The following ZNF554 variants were observed in gnomAD, a reference collection of about 807,000 sequenced individuals.
ZNF554 encodes the protein zinc finger protein 554.
ZNF554 carries 15 observed loss-of-function variants against 21.2 expected under a neutral mutation model. The observed-to-expected ratio is 0.71, with a 90% confidence interval of 0.47 to 1.09. ZNF554 has a LOEUF of 1.09. Ranked by LOEUF, ZNF554 falls within the 50% of genes least tolerant of loss-of-function variation. The probability of loss-of-function intolerance (pLI) is 0.00; values close to 1 mark genes in which losing one functional copy is unlikely to be tolerated. For synonymous variants in ZNF554, 258 were observed against 251.4 expected (o/e 1.03, Z -0.25); for missense variants, 691 against 662.7 (o/e 1.04, Z -0.47).
At chr19:2,824,009 G>C (rs546762200) in intron 2 of ZNF554, among the ~76,000 whole-genome samples, 146 of 152,242 alleles carry the variant, frequency 9.6e-4, no homozygotes, top group African/African-American at 3.2e-3. Flanking sequence ...TCTGCCTCCT[G>C]CTGCCATTCA....
Position 2,835,362 on chromosome 19 carries a change from C to T in ZNF554, c.*510C>T, listed in dbSNP as rs1373248915. ...TGGTGGGCGCCTGTAGTCCCAACTA[C>T]TCAGGAGGCTGAGGCAGGAGAATGG... On this transcript the variant is annotated 3_prime_UTR_variant, in exon 5 of 5. Transcript: ENST00000317243. The T allele has an allele frequency of 6.5e-6, 1 of 154,122 alleles. No homozygotes were observed. Among genetic ancestry groups the T allele is most frequent in the Non-Finnish European group, 1.4e-5 (1 of 69,436 alleles). 9.5% of individuals were successfully genotyped at this position (154,122 alleles called of 1,614,324 possible).
intron 3 of ZNF554, among the ~76,000 whole-genome samples, chr19:2,829,759 A>G (rs908782059): frequency 1.2e-4 from 18 of 152,132 alleles, no homozygotes; most frequent in African/African-American, 4.1e-4. Flanking sequence ...AGTGGCACTA[A>G]ATGCATTCAG....
rs372864879 is a variant in ZNF554, at chr19:2,834,376, G to A, written c.1141G>A (p.Gly381Arg). 1.8e-5 allele frequency: 29 copies of A among 1,613,766 alleles called. No homozygotes were observed. The African/African-American group carries it at 2.1e-4, about 12-fold the overall frequency. The change falls in exon 5 of 5, where the codon GGG (glycine) becomes AGG (arginine). Residue 381 changes from glycine to arginine, a missense_variant. Gly to Arg is a moderately radical substitution (Grantham distance 125, BLOSUM62 -2). Transcript: ENST00000317243. The part of the protein sequence containing the change: ...LRTHTGEKPY[G>R]CGECGKAFNR... ...AACTCATACTGGAGAGAAGCCCTAC[G>A]GGTGCGGTGAGTGCGGGAAAGCCTT...
intron 3 of ZNF554, among the ~76,000 whole-genome samples, chr19:2,829,805 A>C (rs761437249): frequency 1.3e-5 from 2 of 152,066 alleles, no homozygotes; most frequent in Non-Finnish European, 2.9e-5. Flanking sequence ...CCATTTCCAG[A>C]ACTTTTATCC....
intron 3 of ZNF554, among the ~76,000 whole-genome samples, chr19:2,829,678 C>T (rs1260685141): frequency 6.6e-6 from 1 of 152,114 alleles, no homozygotes; most frequent in Non-Finnish European, 1.5e-5. Flanking sequence ...TATATGCACA[C>T]ACGTATCTAT....
In ZNF554 at chr19:2,823,858, G is replaced by A. The variant is rs146341240; in HGVS notation, c.126+746G>A. 7.2e-5 allele frequency among the ~76,000 whole-genome samples: 11 copies of A among 152,228 alleles called. No homozygotes were observed. In the East Asian group the frequency reaches 1.4e-3, roughly 19 times the overall value. ...AGTGTGTGCCGACTGGTTCATGGGC[G>A]GCCATGGGAGGGTCGAAAGAGGCAC... On this transcript the variant is annotated intron_variant, in intron 2 of 4. Transcript: ENST00000317243.
rs369870603 is a variant in ZNF554, at chr19:2,834,583, T to C, written c.1348T>C (p.Ser450Pro). Reference protein sequence around the residue: ...ECGKAFSDRSSLNQHERTHTG... With the variant: ...ECGKAFSDRSPLNQHERTHTG... ...TGGAAAGGCCTTCAGTGACCGTTCC[T>C]CTCTCAACCAGCACGAGCGAACTCA... The change falls in exon 5 of 5, where the codon TCT becomes CCT. Residue 450 changes from serine (S) to proline (P), a missense_variant. Physicochemically the swap from Ser to Pro is moderately conservative, Grantham distance 74. Coordinates refer to ENST00000317243, the MANE Select transcript of ZNF554 (RefSeq NM_001102651.2). 2 of 1,613,950 alleles carry C rather than the reference T, an allele frequency of 1.2e-6. No individual in the cohort carries two copies. Among genetic ancestry groups the C allele is most frequent in the African/African-American group, 2.7e-5 (2 of 74,902 alleles).
At chr19:2,820,683 C>CTTTTTTTTTT (rs1568330714) in intron 1 of ZNF554, among the ~76,000 whole-genome samples, 4 of 81,870 alleles carry the variant, frequency 4.9e-5, no homozygotes, top group Admixed American at 2.3e-4. Context: ...CAGCAAGGGT[C>CTTTTTTTTTT]CTTTTTTTTT....
chr19:2,820,683 C>CTTTTTTTTTTTTTT (rs1568330714), intron 1 of ZNF554, among the ~76,000 whole-genome samples: 3 of 81,834 alleles, frequency 3.7e-5, no homozygotes, highest in African/African-American at 1.8e-4. Context: ...CAGCAAGGGT[C>CTTTTTTTTTTTTTT]CTTTTTTTTT....
chr19:2,827,558 C>T, intron 2 of ZNF554, 59 bp from the exon 3 acceptor site: 4 of 1,570,382 alleles, frequency 2.5e-6, no homozygotes, highest in Non-Finnish European at 3.5e-6. Flanking sequence ...CTCACCCCTC[C>T]TCCCATGAAC....
Position 2,836,254 on chromosome 19 carries a change from T to TGAGCCACTGTGCTGGGATTACGGGCGC in ZNF554, c.*1424_*1450dup, listed in dbSNP as rs1405300247. On this transcript the variant is annotated 3_prime_UTR_variant, in exon 5 of 5. Coordinates refer to ENST00000317243, the MANE Select transcript of ZNF554 (RefSeq NM_001102651.2). ...AGCCACCGTGCTGGGATTACGGGCG[T>TGAGCCACTGTGCTGGGATTACGGGCGC]GAGCCACTGTGCTGGGATTACGGGC... 6.7e-6 allele frequency among the ~76,000 whole-genome samples: 1 copy of TGAGCCACTGTGCTGGGATTACGGGCGC among 150,244 alleles called. No homozygotes were observed. Among genetic ancestry groups the TGAGCCACTGTGCTGGGATTACGGGCGC allele is most frequent in the African/African-American group, 2.5e-5 (1 of 40,756 alleles).
intron 2 of ZNF554, among the ~76,000 whole-genome samples, chr19:2,823,336 G>GTGTC (rs2087287920): frequency 2.6e-5 from 4 of 152,120 alleles, no homozygotes; most frequent in Non-Finnish European, 2.9e-5. Flanking sequence ...AGTATTACGG[G>GTGTC]ATCCCTGGGG....
Position 2,834,193 on chromosome 19 carries a change from G to A in ZNF554, c.958G>A (p.Ala320Thr). 6 of 1,613,998 alleles carry A rather than the reference G, an allele frequency of 3.7e-6. No homozygotes were observed. The highest frequency in any genetic ancestry group is 5.1e-6 in the Non-Finnish European group (6 of 1,180,036). The stretch of plus-strand genomic sequence containing the variant: ...GACTATCCACAACAAAATCAACACG[G>A]CAGAGAAACCCTTTGAGTGCCACCA... ...ALTIHNKINT[A>T]EKPFECHQCG... The change falls in exon 5 of 5, where the codon GCA becomes ACA. Residue 320 changes from alanine (A) to threonine (T), a missense_variant. Ala to Thr is a moderately conservative substitution (Grantham distance 58). Coordinates refer to ENST00000317243, the MANE Select transcript of ZNF554 (RefSeq NM_001102651.2).
chr19:2,831,031 GCTGGGATTACAGA>G (rs1395602190), intron 3 of ZNF554: 1 of 152,216 alleles, frequency 6.6e-6, no homozygotes, highest in African/African-American at 2.4e-5. Context: ...TTCCCAAAGT[GCTGGGATTACAGA>G]CGTGAGCCAC....
Position 2,824,174 on chromosome 19 carries a change from G to A in ZNF554, c.126+1062G>A, listed in dbSNP as rs370781498. 1.1e-4 allele frequency among the ~76,000 whole-genome samples: 17 copies of A among 152,244 alleles called. No homozygotes were observed. The East Asian group carries it at 2.7e-3, about 24-fold the overall frequency. On this transcript the variant is annotated intron_variant, in intron 2 of 4. Transcript: ENST00000317243. ...GTCCTGCGCCTGGGAGGACAGCCAC[G>A]GCTGCACCCAGGAGCTCCTGCCTCG...
At chr19:2,825,310 G>A (rs1639173) in intron 2 of ZNF554, among the ~76,000 whole-genome samples, 22,378 of 151,504 alleles carry the variant, frequency 0.15, 1,846 homozygotes, top group Non-Finnish European at 0.18. Flanking sequence ...CACCACGTCC[G>A]CCCTCTGCAG....
At chr19:2,832,191 G>T in intron 3 of ZNF554, 112 bp from the exon 4 acceptor site, 2 of 1,081,274 alleles carry the variant, frequency 1.8e-6, no homozygotes, top group East Asian at 5.2e-5. Context: ...CTCCCAAATT[G>T]CTGGGATTAC....
In ZNF554 at chr19:2,834,408, G is replaced by T. The variant is rs779509849; in HGVS notation, c.1173G>T (p.Arg391Ser). The change falls in exon 5 of 5, where the codon AGG becomes AGT. Residue 391 changes from arginine (R) to serine (S), a missense_variant. Physicochemically the swap from Arg to Ser is moderately radical, Grantham distance 110. Coordinates refer to ENST00000317243, the MANE Select transcript of ZNF554 (RefSeq NM_001102651.2). ...GTGAGTGCGGGAAAGCCTTCAACAGGATCTCATCGCTGACTCAGCATCAGA... is the reference window on the plus strand; with the variant it reads ...GTGAGTGCGGGAAAGCCTTCAACAGTATCTCATCGCTGACTCAGCATCAGA... ...GCGECGKAFN[R>S]ISSLTQHQRI... 2.5e-6 allele frequency: 4 copies of T among 1,613,888 alleles called. No individual in the cohort carries two copies. The highest frequency in any genetic ancestry group is 2.2e-5 in the South Asian group (2 of 91,068).
intron 2 of ZNF554, among the ~76,000 whole-genome samples, chr19:2,824,378 A>C (rs2087301406): frequency 6.6e-6 from 1 of 152,164 alleles, no homozygotes; most frequent in Non-Finnish European, 1.5e-5. Context: ...CTACAGGAGG[A>C]CGGGGCTCCC....
Sources: gnomAD v4.1 joint callset for allele counts (sites outside exome capture counted in the v4.1 genomes callset) on GRCh38, gnomAD v4.1.1 for gene constraint, MANE v1.5 for transcripts, NCBI Gene and HGNC (gene_info 2026-07-23, HGNC 2026-07-21) for gene names.